FCN1: variants seen among roughly 807,000 people sequenced by gnomAD.
FCN1 encodes ficolin-1.
A neutral mutation model predicts 35.6 loss-of-function variants in FCN1; 42 were observed. The ratio of observed to expected loss-of-function variants is 1.18; its 90% CI spans 0.92 to 1.53. FCN1 has a LOEUF of 1.53. Among genes scored for constraint, FCN1 ranks in the 40% most tolerant of loss-of-function variants. The pLI is 0.00. For synonymous variants in FCN1, 179 were observed against 169.8 expected (o/e 1.05, Z -0.42); for missense variants, 439 against 428.4 (o/e 1.02, Z -0.22).
chr9:134,914,715 G>C, intron 3 of FCN1, 41 bp downstream of exon 3: 1 of 1,485,672 alleles, frequency 6.7e-7, no homozygotes, highest in Non-Finnish European at 9.3e-7. Context: ...CAGCTCCAAG[G>C]TCCCTGCTCA....
intron 4 of FCN1, 62 bp from the exon 5 acceptor site, chr9:134,913,675 C>T: frequency 7.6e-7 from 1 of 1,322,124 alleles, no homozygotes; most frequent in Non-Finnish European, 1.1e-6. Context: ...CCTGGTCAGC[C>T]CCAGTGGCTC....
chr9:134,913,898 G>A (rs1350971097), intron 4 of FCN1, among the ~76,000 whole-genome samples: 1 of 152,176 alleles, frequency 6.6e-6, no homozygotes, highest in Non-Finnish European at 1.5e-5. Flanking sequence ...TGGGGCCTTC[G>A]CCACTGATAA....
rs1830979685 is a variant in FCN1 at position 134,908,318 on chromosome 9, A to G, written c.*1480T>C. ...TTTTATTATTTGCAGGAATTCTTTC[A>G]GGTATAAGCCTGTGATTTATTTATT... is the stretch of plus-strand genomic sequence containing the variant. On this transcript the variant is annotated 3_prime_UTR_variant, in exon 9 of 9. Transcript: ENST00000371806. 1 of 152,156 alleles carries G rather than the reference A, an allele frequency of 6.6e-6. No homozygotes were observed. The highest frequency in any genetic ancestry group is 2.4e-5 in the African/African-American group (1 of 41,424). 9.4% of individuals were successfully genotyped at this position (152,156 alleles called of 1,614,324 possible). A position where few individuals can be genotyped will look rare whatever the true frequency, so the allele number is the denominator to read the frequency against.
At position 134,907,699 on chromosome 9, in the gene FCN1, A is replaced by G. The variant is rs1187606785; in HGVS notation, c.*2099T>C. The G allele has an allele frequency of 2.0e-5, 3 of 152,344 alleles. No homozygotes were observed. The highest frequency in any genetic ancestry group is 2.9e-5 in the Non-Finnish European group (2 of 68,040). 9.4% of individuals were successfully genotyped at this position (152,344 alleles called of 1,614,324 possible). A position where few individuals can be genotyped will look rare whatever the true frequency, so the allele number is the denominator to read the frequency against. ...AAAAACTTTATCTACAATGGAATCCATAGCACATACCCTCTTGAACAGGCT... is the reference window on the plus strand; with the variant it reads ...AAAAACTTTATCTACAATGGAATCCGTAGCACATACCCTCTTGAACAGGCT... On this transcript the variant is annotated 3_prime_UTR_variant, in exon 9 of 9. Transcript: ENST00000371806.
In FCN1 at chr9:134,909,337, A is replaced by G. The variant is rs1405631774; in HGVS notation, c.*461T>C. On this transcript the variant is annotated 3_prime_UTR_variant, in exon 9 of 9. Transcript: ENST00000371806. ...TTTTCAAGAAGTGTGAAGTGTTGTG[A>G]GTGAGGCATGGGGGGATGGGGGAGG... The G allele has an allele frequency of 8.0e-7, 1 of 1,254,402 alleles. No homozygotes were observed. The highest frequency in any genetic ancestry group is 2.3e-5 in the Admixed American group (1 of 43,310). The allele number at this position is 1,254,402 out of a possible 1,614,324, so 77.7% of individuals were successfully genotyped here. A position where few individuals can be genotyped will look rare whatever the true frequency, so the allele number is the denominator to read the frequency against.
rs148305428 is a variant in FCN1 at position 134,913,016 on chromosome 9, G to A, written c.468C>T (p.Thr156=). The change falls in exon 6 of 9, where the codon ACC becomes ACT. Residue 156 remains threonine (T), a splice_region_variant and synonymous_variant. Coordinates refer to ENST00000371806, the MANE Select transcript of FCN1 (RefSeq NM_002003.5). ...CDMDTDGGGW[T]VFQRRMDGSV... Reference sequence around the variant, plus strand: ...CGCCTCTGCCCAGCCCCACACTCACGGTCCAGCCCCCTCCGTCCGTGTCCA... The same window carrying A: ...CGCCTCTGCCCAGCCCCACACTCACAGTCCAGCCCCCTCCGTCCGTGTCCA... The A allele has an allele frequency of 1.4e-4, 225 of 1,610,318 alleles. No homozygotes were observed. The highest frequency in any genetic ancestry group is 1.8e-4 in the Non-Finnish European group (209 of 1,178,454).
At chr9:134,912,786 C>T (rs533034996) in intron 6 of FCN1, among the ~76,000 whole-genome samples, 171 bp from the exon 7 acceptor site, 58 of 152,312 alleles carry the variant, frequency 3.8e-4, no homozygotes, top group Middle Eastern at 3.4e-3. Context: ...AGAGGAAATG[C>T]GGTCTCAGAG....
At chr9:134,917,528 A>G (rs2989726) in intron 1 of FCN1, among the ~76,000 whole-genome samples, 39,016 of 152,096 alleles carry the variant, frequency 0.26, 5,250 homozygotes, top group South Asian at 0.38. Context: ...TGAAGCTCCA[A>G]TGGGCAAATC....
At chr9:134,912,868 G>A (rs1831042010) in intron 6 of FCN1, 148 bp downstream of exon 6, 4 of 1,386,364 alleles carry the variant, frequency 2.9e-6, no homozygotes, top group African/African-American at 1.4e-5. Flanking sequence ...CGATGGCCTG[G>A]ACTTTTACCC....
rs866277450 is a variant in FCN1 at position 134,917,836 on chromosome 9, G to A, written c.36C>T (p.Leu12=). 2.5e-6 allele frequency: 4 copies of A among 1,613,924 alleles called. No homozygotes were observed. The highest frequency in any genetic ancestry group is 1.7e-4 in the Middle Eastern group (1 of 6,060). ...ELSGATMARG[L]AVLLVLFLHI... ...GCAGGAACAAGACTAGCAGGACAGC[G>A]AGCCCCCGGGCCATGGTGGCTCCAC... The change falls in exon 1 of 9, where the codon CTC becomes CTT. Residue 12 remains leucine (L), a synonymous_variant. Coordinates refer to ENST00000371806, the MANE Select transcript of FCN1 (RefSeq NM_002003.5).
In FCN1 at chr9:134,909,331, G is replaced by A; in HGVS notation, c.*467C>T. The A allele has an allele frequency of 7.8e-7, 1 of 1,288,372 alleles. No individual in the cohort carries two copies. Among genetic ancestry groups the A allele is most frequent in the South Asian group, 1.2e-5 (1 of 80,984 alleles). The allele number at this position is 1,288,372 out of a possible 1,614,324, so 79.8% of individuals were successfully genotyped here. On this transcript the variant is annotated 3_prime_UTR_variant, in exon 9 of 9. Transcript: ENST00000371806. ...TGACCTTTTTCAAGAAGTGTGAAGT[G>A]TTGTGAGTGAGGCATGGGGGGATGG...
rs1242787642 is a variant in FCN1, at chr9:134,912,627, C to A, written c.469-12G>T. On this transcript the variant is annotated splice_polypyrimidine_tract_variant and intron_variant, in intron 6 of 8. Coordinates refer to ENST00000371806, the MANE Select transcript of FCN1 (RefSeq NM_002003.5). ...CTCCGCTGGAAAACCTGTGAAGAAG[C>A]CAGGATACAGAGTTAGGCGGGGCAG... is the stretch of plus-strand genomic sequence containing the variant. 6.2e-7 allele frequency: 1 copy of A among 1,614,116 alleles called. No individual in the cohort carries two copies. The highest frequency in any genetic ancestry group is 1.6e-4 in the Middle Eastern group (1 of 6,062).
chr9:134,914,484 C>CT (rs1317558310), intron 3 of FCN1, 64 bp from the exon 4 acceptor site: 114 of 1,368,922 alleles, frequency 8.3e-5, no homozygotes, highest in Non-Finnish European at 1.1e-4. Context: ...AAAGGCTGGT[C>CT]CAGAGTGGGC....
Position 134,906,453 on chromosome 9 carries a change from T to C in FCN1, c.*3345A>G, listed in dbSNP as rs1262143327. The C allele has an allele frequency of 6.6e-6, 1 of 152,206 alleles. No homozygotes were observed. Among genetic ancestry groups the C allele is most frequent in the Non-Finnish European group, 1.5e-5 (1 of 68,036 alleles). 9.4% of individuals were successfully genotyped at this position (152,206 alleles called of 1,614,324 possible). On this transcript the variant is annotated 3_prime_UTR_variant, in exon 9 of 9. Transcript: ENST00000371806. ...TTTAAAATTGCAATAAGAAGTGGAA[T>C]ACACTCAAATTTCTCCTGCGGCATT...
In FCN1 at chr9:134,903,580, T is replaced by G. The variant is rs1830909734; in HGVS notation, c.*6218A>C. On this transcript the variant is annotated 3_prime_UTR_variant, in exon 9 of 9. Transcript: ENST00000371806. The stretch of plus-strand genomic sequence containing the variant: ...GAACTAAAATAGGTGAATTTTACTG[T>G]ATTAAATTATACCTCAAAAAATCTG... Among the ~76,000 whole-genome samples the G allele has an allele frequency of 1.3e-5, 2 of 152,154 alleles. No individual in the cohort carries two copies. The highest frequency in any genetic ancestry group is 2.9e-5 in the Non-Finnish European group (2 of 68,002).
Position 134,909,282 on chromosome 9 carries a change from G to A in FCN1, c.*516C>T. 2.3e-6 allele frequency: 3 copies of A among 1,289,450 alleles called. No individual in the cohort carries two copies. Among genetic ancestry groups the A allele is most frequent in the Middle Eastern group, 2.1e-4 (1 of 4,698 alleles). The allele number at this position is 1,289,450 out of a possible 1,614,324, so 79.9% of individuals were successfully genotyped here. Reference sequence around the variant, plus strand: ...TCCTACTAAACTTTCCCCCTTTTTAGTAAGTGTTTTCTGGACCCCAAAGTG... The same window carrying A: ...TCCTACTAAACTTTCCCCCTTTTTAATAAGTGTTTTCTGGACCCCAAAGTG... On this transcript the variant is annotated 3_prime_UTR_variant, in exon 9 of 9. Coordinates refer to ENST00000371806, the MANE Select transcript of FCN1 (RefSeq NM_002003.5).
intron 7 of FCN1, among the ~76,000 whole-genome samples, 172 bp from the exon 8 acceptor site, chr9:134,911,439 G>A (rs1831022145): frequency 6.6e-6 from 1 of 151,678 alleles, no homozygotes; most frequent in Non-Finnish European, 1.5e-5. Context: ...CCGCCTCCTG[G>A]GTTCAAGCAA....
At position 134,908,719 on chromosome 9, in the gene FCN1, C is replaced by A. The variant is rs1830984231; in HGVS notation, c.*1079G>T. On this transcript the variant is annotated 3_prime_UTR_variant, in exon 9 of 9. Transcript: ENST00000371806. ...AAGGAAGCAGGTTCTCCCCTAGAAC[C>A]CTGGAAGGAGCCACCACTGCTGAGT... The A allele has an allele frequency of 1.3e-5, 2 of 159,088 alleles. No homozygotes were observed. The highest frequency in any genetic ancestry group is 1.4e-5 in the Non-Finnish European group (1 of 72,382). The allele number at this position is 159,088 out of a possible 1,614,324, so 9.9% of individuals were successfully genotyped here.
Position 134,914,311 on chromosome 9 carries a change from G to A in FCN1, c.307+74C>T, listed in dbSNP as rs11103574. ...ACAGGGACGTGGGCGGTGGGCAGGCGGACTGAGGCCTCTGAGACCCCTCCC... is the reference window on the plus strand; with the variant it reads ...ACAGGGACGTGGGCGGTGGGCAGGCAGACTGAGGCCTCTGAGACCCCTCCC... On this transcript the variant is annotated intron_variant, in intron 4 of 8. Coordinates refer to ENST00000371806, the MANE Select transcript of FCN1 (RefSeq NM_002003.5). 900 of 1,329,216 alleles carry A rather than the reference G, an allele frequency of 6.8e-4. 7 individuals are homozygous for A. The East Asian group carries it at 0.01, about 15-fold the overall frequency. 82.3% of individuals were successfully genotyped at this position (1,329,216 alleles called of 1,614,324 possible). A position where few individuals can be genotyped will look rare whatever the true frequency, so the allele number is the denominator to read the frequency against.
Sources: gnomAD v4.1 joint callset for allele counts (sites outside exome capture counted in the v4.1 genomes callset) on GRCh38, gnomAD v4.1.1 for gene constraint, MANE v1.5 for transcripts, NCBI Gene and HGNC (gene_info 2026-07-23, HGNC 2026-07-21) for gene names.